Variants in SEPTIN9 observed in about 807,000 individuals in gnomAD.
SEPTIN9 encodes the protein septin 9.
SEPTIN9 carries 13 observed loss-of-function variants against 56.6 expected under a neutral mutation model. The observed-to-expected ratio is 0.23, with a 90% CI of 0.15 to 0.37. The LOEUF (loss-of-function observed/expected upper bound fraction) is 0.37, where lower values mean the gene tolerates loss of function less well. SEPTIN9 is among the 10% of genes least tolerant of loss of function. SEPTIN9 has a pLI of 1.00. For synonymous variants in SEPTIN9, 332 were observed against 334.1 expected (o/e 0.99, Z 0.07); for missense variants, 650 against 823.1 (o/e 0.79, Z 2.57).
In SEPTIN9 at chr17:77,330,751, C is replaced by T. The variant is rs994023917; in HGVS notation, c.76+23554C>T. ...GGGGAGAGGCACAGGCATGCCTGTC[C>T]GGCAGCAGAAGGGAACCCCGGGCCT... On this transcript the variant is annotated intron_variant, in intron 2 of 11. Transcript: ENST00000427177. The surrounding 1 kb of genome is among the most constrained non-coding windows in gnomAD (Gnocchi z 4.4). Among the ~76,000 whole-genome samples the T allele has an allele frequency of 1.3e-5, 2 of 152,222 alleles. No individual in the cohort carries two copies. The highest frequency in any genetic ancestry group is 2.4e-5 in the African/African-American group (1 of 41,456).
chr17:77,306,517 G>A (rs1262611005), intron 1 of SEPTIN9, among the ~76,000 whole-genome samples: 1 of 152,246 alleles, frequency 6.6e-6, no homozygotes, highest in Non-Finnish European at 1.5e-5. Flanking sequence ...TGTGGGCAGA[G>A]GGAGCGCATG....
chr17:77,416,856 C>A (rs2036525995), intron 3 of SEPTIN9, among the ~76,000 whole-genome samples: 1 of 152,228 alleles, frequency 6.6e-6, no homozygotes, highest in Non-Finnish European at 1.5e-5. Context: ...GGGATCCCAA[C>A]CTCGAGCCTC....
At chr17:77,295,394 A>G (rs1047300899) in intron 1 of SEPTIN9, among the ~76,000 whole-genome samples, 5 of 152,100 alleles carry the variant, frequency 3.3e-5, no homozygotes, top group African/African-American at 1.2e-4. Flanking sequence ...TGGGAGCCCA[A>G]ACAAAGGTGG....
At chr17:77,404,987 C>A in intron 3 of SEPTIN9, 1 of 1,175,670 alleles carries the variant, frequency 8.5e-7, no homozygotes, top group Non-Finnish European at 1.2e-6. Context: ...CTTTGTTTGA[C>A]GTGCCGGATA....
chr17:77,480,097 G>C (rs533612967), intron 3 of SEPTIN9, among the ~76,000 whole-genome samples: 39 of 152,316 alleles, frequency 2.6e-4, no homozygotes, highest in African/African-American at 9.4e-4. Context: ...GGCACAGAGA[G>C]AGGAGCCCTG....
At chr17:77,478,681 T>C (rs2039323981) in intron 3 of SEPTIN9, among the ~76,000 whole-genome samples, 1 of 151,748 alleles carries the variant, frequency 6.6e-6, no homozygotes, top group South Asian at 2.1e-4. Context: ...CGGGTGCCTG[T>C]AATCCCAGCT....
intron 2 of SEPTIN9, chr17:77,322,846 C>T (rs1264289238): frequency 6.6e-6 from 1 of 152,380 alleles, no homozygotes; most frequent in Non-Finnish European, 1.5e-5. Context: ...GCTCTGATCC[C>T]CAAGCATGCT....
chr17:77,465,792 T>A (rs1045198186), intron 3 of SEPTIN9, among the ~76,000 whole-genome samples: 2 of 152,132 alleles, frequency 1.3e-5, no homozygotes, highest in Non-Finnish European at 2.9e-5. Flanking sequence ...GTGAGCCACT[T>A]GCAGCTAGTT....
chr17:77,473,766 ACT>A (rs959199791), intron 3 of SEPTIN9, among the ~76,000 whole-genome samples: 55 of 152,228 alleles, frequency 3.6e-4, no homozygotes, highest in African/African-American at 1.3e-3. Flanking sequence ...ATGTGCCACC[ACT>A]GTTTTCATTC....
rs2627198 is a variant in SEPTIN9, at chr17:77,492,891, C to A, written c.1477-89C>A. ...CTGAGGCTCTCGTTTTTGGGGGACCCCAGGCTCAGGGCAGCTCCTCCCGGG... is the reference window on the plus strand; with the variant it reads ...CTGAGGCTCTCGTTTTTGGGGGACCACAGGCTCAGGGCAGCTCCTCCCGGG... On this transcript the variant is annotated intron_variant, in intron 9 of 11. Transcript: ENST00000427177. This position sits in a 1 kb window ranked among gnomAD's most constrained non-coding sequence, Gnocchi z 5.4. The A allele has an allele frequency of 7.4e-7, 1 of 1,346,254 alleles. No individual in the cohort carries two copies. The highest frequency in any genetic ancestry group is 1.0e-6 in the Non-Finnish European group (1 of 956,208). The allele number at this position is 1,346,254 out of a possible 1,614,324, so 83.4% of individuals were successfully genotyped here. A position where few individuals can be genotyped will look rare whatever the true frequency, so the allele number is the denominator to read the frequency against.
intron 2 of SEPTIN9, among the ~76,000 whole-genome samples, chr17:77,388,595 C>T (rs1307423270): frequency 6.6e-6 from 1 of 152,140 alleles, no homozygotes; most frequent in Non-Finnish European, 1.5e-5. Context: ...AAACCTCTCC[C>T]CTGGCTCTGC....
chr17:77,397,398 C>T (rs1380949942), intron 2 of SEPTIN9, among the ~76,000 whole-genome samples: 1 of 152,192 alleles, frequency 6.6e-6, no homozygotes, highest in Non-Finnish European at 1.5e-5. Context: ...GGATTTAGAG[C>T]CCATCCCAAA....
chr17:77,283,543 T>C (rs647885), intron 1 of SEPTIN9, among the ~76,000 whole-genome samples: 21,186 of 151,930 alleles, frequency 0.14, 1,616 homozygotes, highest in Middle Eastern at 0.19. Context: ...ACCATGAAAT[T>C]AAGGAAAGCA....
intron 3 of SEPTIN9, chr17:77,444,727 G>A (rs1267301370): frequency 9.7e-6 from 2 of 206,256 alleles, no homozygotes; most frequent in Admixed American, 5.3e-5. Flanking sequence ...CTCGAGGTCA[G>A]ATGGGGTGGG....
chr17:77,417,461 G>A (rs2144192174), intron 3 of SEPTIN9, among the ~76,000 whole-genome samples: 1 of 152,302 alleles, frequency 6.6e-6, no homozygotes, highest in East Asian at 1.9e-4. Context: ...CTGCATCCAA[G>A]ATCCTTGTGA....
At chr17:77,300,723 TCAAACC>T in intron 1 of SEPTIN9, among the ~76,000 whole-genome samples, 1 of 27,924 alleles carries the variant, frequency 3.6e-5, no homozygotes, top group African/African-American at 1.6e-4. Flanking sequence ...CACCCCAGGC[TCAAACC>T]GCCCCCATCC....
At chr17:77,299,925 G>A (rs2031963310) in intron 1 of SEPTIN9, among the ~76,000 whole-genome samples, 1 of 152,194 alleles carries the variant, frequency 6.6e-6, no homozygotes, top group South Asian at 2.1e-4. Flanking sequence ...CTCTCCCCCA[G>A]CCCTCCTCCT....
At chr17:77,401,707 C>T (rs1055296765) in intron 2 of SEPTIN9, among the ~76,000 whole-genome samples, 15 of 150,722 alleles carry the variant, frequency 1.0e-4, no homozygotes, top group African/African-American at 3.6e-4. Flanking sequence ...GGCAACAGAG[C>T]AAGACTCCAT....
intron 3 of SEPTIN9, among the ~76,000 whole-genome samples, chr17:77,416,703 TACGG>T (rs1436945508): frequency 1.3e-5 from 2 of 152,172 alleles, no homozygotes; most frequent in Non-Finnish European, 1.5e-5. Context: ...GCCACCGGGA[TACGG>T]ACAGCAGCCC....
Sources: gnomAD v4.1 joint callset for allele counts (sites outside exome capture counted in the v4.1 genomes callset) on GRCh38, gnomAD v4.1.1 for gene constraint, Gnocchi (gnomAD v3.1) non-coding constraint, MANE v1.5 for transcripts, NCBI Gene and HGNC (gene_info 2026-07-23, HGNC 2026-07-21) for gene names.